Variants in RGS3 observed in about 807,000 individuals in gnomAD.
RGS3 encodes regulator of G-protein signalling 3.
RGS3 carries 80 observed loss-of-function variants against 132.6 expected under a neutral mutation model. The ratio of observed to expected loss-of-function variants is 0.60; its 90% CI spans 0.50 to 0.73. The LOEUF is 0.73. Among genes scored for constraint, RGS3 ranks in the 30% least tolerant of loss-of-function variants. The pLI is 0.00. For synonymous variants in RGS3, 598 were observed against 620.6 expected, an observed-to-expected ratio of 0.96 and a Z score of 0.54; for missense variants, 1,382 against 1,530.8, an observed-to-expected ratio of 0.90 and a Z score of 1.62.
At chr9:113,588,242 A>G (rs1835225240) in intron 20 of RGS3, among the ~76,000 whole-genome samples, 1 of 152,250 alleles carries the variant, frequency 6.6e-6, no homozygotes, top group South Asian at 2.1e-4. Context: ...AATGCCTTCC[A>G]GCTCCAAGAC....
chr9:113,462,270 A>G (rs1205036293), intron 3 of RGS3: 25 of 690,020 alleles, frequency 3.6e-5, no homozygotes, highest in African/African-American at 1.4e-4. Context: ...AGTGTTCACC[A>G]TGTGTGTGTG....
At chr9:113,477,222 C>A (rs1284012665) in intron 3 of RGS3, among the ~76,000 whole-genome samples, 1 of 152,158 alleles carries the variant, frequency 6.6e-6, no homozygotes, top group African/African-American at 2.4e-5. Context: ...GTGCCATAAC[C>A]CCTGTTATTA....
chr9:113,567,322 G>A (rs1284786968), intron 19 of RGS3, among the ~76,000 whole-genome samples: 3 of 151,774 alleles, frequency 2.0e-5, no homozygotes, highest in Non-Finnish European at 4.4e-5. Flanking sequence ...CATTGGTGGT[G>A]GCACCCATGG....
In RGS3 at chr9:113,529,402, G is replaced by A. The variant is rs550089584; in HGVS notation, c.1914+138G>A. 2.9e-4 allele frequency: 220 copies of A among 758,982 alleles called. No individual in the cohort carries two copies. The African/African-American group carries it at 3.6e-3, about 12-fold the overall frequency. 47.0% of individuals were successfully genotyped at this position (758,982 alleles called of 1,614,324 possible). On this transcript the variant is annotated intron_variant, in intron 18 of 24. Transcript: ENST00000350696. ...TGCCGAAGTCCTGGGCAAGGCCAGA[G>A]TAGCGGTTTTTTGCTAGGTAGAATG...
intron 18 of RGS3, among the ~76,000 whole-genome samples, chr9:113,532,570 T>C (rs1832516613): frequency 6.6e-6 from 1 of 152,272 alleles, no homozygotes; most frequent in East Asian, 1.9e-4. Context: ...GAAGAAATAA[T>C]GGCTTTCCAA....
At chr9:113,536,312 C>T (rs181766427) in intron 18 of RGS3, among the ~76,000 whole-genome samples, 128 of 152,256 alleles carry the variant, frequency 8.4e-4, no homozygotes, top group South Asian at 3.5e-3. Flanking sequence ...TTGGTATGCC[C>T]GTCCAACCAC....
chr9:113,519,562 C>G lies in RGS3; in HGVS notation c.1758+1938C>G, dbSNP rs74561639. Reference sequence around the variant, plus strand: ...AGGGATTTGGATAAATTCATGAAATCTCAGCATTGGTTAGGCTTTCAGGAG... The same window carrying G: ...AGGGATTTGGATAAATTCATGAAATGTCAGCATTGGTTAGGCTTTCAGGAG... On this transcript the variant is annotated intron_variant, in intron 16 of 24. Transcript: ENST00000350696. Among the ~76,000 whole-genome samples the G allele has an allele frequency of 1.7e-3, 248 of 149,636 alleles. 2 individuals carry two copies. The highest frequency in any genetic ancestry group is 5.6e-3 in the African/African-American group (228 of 40,846).
chr9:113,532,424 A>G (rs1832508747), intron 18 of RGS3, among the ~76,000 whole-genome samples: 2 of 152,112 alleles, frequency 1.3e-5, no homozygotes, highest in South Asian at 2.1e-4. Flanking sequence ...ATGTTTGCCC[A>G]TCTAAGCCAG....
At chr9:113,554,943 T>G (rs184798269) in intron 19 of RGS3, among the ~76,000 whole-genome samples, 2 of 152,360 alleles carry the variant, frequency 1.3e-5, no homozygotes, top group Non-Finnish European at 2.9e-5. Context: ...TATTCTTTTA[T>G]TTTTTGCATT....
chr9:113,501,639 T>A, intron 10 of RGS3: 1 of 1,560,450 alleles, frequency 6.4e-7, no homozygotes, highest in Non-Finnish European at 8.7e-7. Flanking sequence ...AGGTGGGTGC[T>A]TGGCCTCTTG....
At chr9:113,543,686 A>AGACAGGTCT (rs1832992708) in intron 19 of RGS3, among the ~76,000 whole-genome samples, 1 of 152,156 alleles carries the variant, frequency 6.6e-6, no homozygotes, top group South Asian at 2.1e-4. Flanking sequence ...CTGGTGACCT[A>AGACAGGTCT]CCTCTGTCTA....
chr9:113,482,214 C>T (rs943981078), intron 4 of RGS3, among the ~76,000 whole-genome samples: 2 of 152,098 alleles, frequency 1.3e-5, no homozygotes, highest in Admixed American at 1.3e-4. Flanking sequence ...CCACCCCACA[C>T]CTCTCCCCTT....
intron 10 of RGS3, among the ~76,000 whole-genome samples, chr9:113,502,512 C>G (rs982143313): frequency 2.0e-5 from 3 of 152,246 alleles, no homozygotes; most frequent in African/African-American, 2.4e-5. Flanking sequence ...AGCCCTCCCC[C>G]GCTCTCAGGT....
At chr9:113,554,151 A>G (rs1407907999) in intron 19 of RGS3, among the ~76,000 whole-genome samples, 2 of 152,150 alleles carry the variant, frequency 1.3e-5, no homozygotes, top group Non-Finnish European at 2.9e-5. Context: ...TACATGTACA[A>G]TTTGCATTCC....
intron 3 of RGS3, among the ~76,000 whole-genome samples, chr9:113,477,491 A>G (rs1470099108): frequency 6.6e-6 from 1 of 152,192 alleles, no homozygotes; most frequent in Admixed American, 6.5e-5. Context: ...AGGAGACATG[A>G]AGGGTTCTCC....
intron 19 of RGS3, among the ~76,000 whole-genome samples, chr9:113,561,329 C>A (rs1833771436): frequency 6.6e-6 from 1 of 151,522 alleles, no homozygotes; most frequent in Admixed American, 6.6e-5. Context: ...CTGGCCTCTT[C>A]TCTTCCCTTC....
At chr9:113,529,298 T>C (rs1463607273) in intron 18 of RGS3, 34 bp downstream of exon 16, 9 of 1,564,028 alleles carry the variant, frequency 5.8e-6, no homozygotes, top group Non-Finnish European at 7.9e-6. Flanking sequence ...AGGAGAGAGA[T>C]CTTCGACCTG....
rs548824658 is a variant in RGS3, at chr9:113,581,032, CG to C, written c.2038-2412del. ...CAGGTGGCTGGGCCAGGGGGTGGGT[CG>C]GGGGGAGGTCTGGCCATGTGGTAGG... is the stretch of plus-strand genomic sequence containing the variant. On this transcript the variant is annotated intron_variant, in intron 19 of 24. Transcript: ENST00000350696. The C allele has an allele frequency of 3.3e-3, 231 of 69,054 alleles. 22 individuals carry two copies. Among genetic ancestry groups the C allele is most frequent in the African/African-American group, 0.013 (209 of 16,446 alleles). 4.3% of individuals were successfully genotyped at this position (69,054 alleles called of 1,614,324 possible).
chr9:113,583,995 G>A, exon 20 of RGS3: 1 of 1,614,140 alleles, frequency 6.2e-7, no homozygotes, highest in South Asian at 1.1e-5. Context: ...AGGTCCGGCT[G>A]GATAGCACCT....
Sources: gnomAD v4.1 joint callset for allele counts (sites outside exome capture counted in the v4.1 genomes callset) on GRCh38, gnomAD v4.1.1 for gene constraint, MANE v1.5 for transcripts, NCBI Gene and HGNC (gene_info 2026-07-23, HGNC 2026-07-21) for gene names.